RCAN2: variants seen among roughly 807,000 people sequenced by gnomAD.
The protein encoded by RCAN2 is regulator of calcineurin 2, also known as calcipressin-2.
Under a neutral mutation model 23.6 loss-of-function variants are expected in RCAN2, and 9 were observed. The ratio of observed to expected loss-of-function variants is 0.38; its 90% CI spans 0.23 to 0.67. RCAN2 has a LOEUF of 0.67. Among genes scored for constraint, RCAN2 ranks in the 30% least tolerant of loss-of-function variants. The pLI is 0.51. For synonymous variants in RCAN2, 109 were observed against 115.7 expected (o/e 0.94, Z 0.37); for missense variants, 273 against 302.3 (o/e 0.90, Z 0.72).
intron 2 of RCAN2, among the ~76,000 whole-genome samples, chr6:46,418,502 G>T (rs1452993128): frequency 1.3e-5 from 2 of 151,496 alleles, no homozygotes; most frequent in Admixed American, 6.6e-5. Flanking sequence ...TAATGACTAC[G>T]TGGATCTTTT....
chr6:46,372,186 G>A (rs1765341206), intron 2 of RCAN2, among the ~76,000 whole-genome samples: 1 of 152,198 alleles, frequency 6.6e-6, no homozygotes, highest in African/African-American at 2.4e-5. Context: ...ACAAAAGGCT[G>A]ATGACTAGTA....
intron 2 of RCAN2, among the ~76,000 whole-genome samples, chr6:46,438,148 TAC>T (rs1307515469): frequency 6.6e-6 from 1 of 152,164 alleles, no homozygotes; most frequent in East Asian, 1.9e-4. Context: ...CAATGCTGAT[TAC>T]ACAAGAGGAG....
chr6:46,271,824 A>G (rs1767532928), intron 2 of RCAN2, among the ~76,000 whole-genome samples: 1 of 152,212 alleles, frequency 6.6e-6, no homozygotes, highest in Admixed American at 6.5e-5. Context: ...ATGCTGAATT[A>G]ACACATAATA....
chr6:46,403,743 T>G (rs1766323559), intron 2 of RCAN2, among the ~76,000 whole-genome samples: 1 of 152,166 alleles, frequency 6.6e-6, no homozygotes, highest in African/African-American at 2.4e-5. Flanking sequence ...CTGCTCCTGC[T>G]GTTTAAAATA....
chr6:46,409,160 G>A (rs937240207), intron 2 of RCAN2, among the ~76,000 whole-genome samples: 8 of 151,954 alleles, frequency 5.3e-5, no homozygotes, highest in South Asian at 2.1e-4. Context: ...TTAAAGAAAC[G>A]AAATGGTCTA....
At chr6:46,342,800 G>A (rs1406355145) in intron 2 of RCAN2, among the ~76,000 whole-genome samples, 1 of 151,952 alleles carries the variant, frequency 6.6e-6, no homozygotes, top group African/African-American at 2.4e-5. Flanking sequence ...AACTTTTATG[G>A]TTTGATGTGG....
chr6:46,282,201 C>T (rs916628188), intron 2 of RCAN2, among the ~76,000 whole-genome samples: 1 of 152,124 alleles, frequency 6.6e-6, no homozygotes, highest in Non-Finnish European at 1.5e-5. Flanking sequence ...AAATATCCAA[C>T]ATACAACTTG....
chr6:46,292,289 G>A (rs1456808953), intron 2 of RCAN2, among the ~76,000 whole-genome samples: 1 of 152,090 alleles, frequency 6.6e-6, no homozygotes, highest in African/African-American at 2.4e-5. Context: ...TAGATTATAG[G>A]CAAGCAATTA....
chr6:46,372,061 A>T (rs1765335579), intron 2 of RCAN2, among the ~76,000 whole-genome samples: 1 of 152,144 alleles, frequency 6.6e-6, no homozygotes, highest in Non-Finnish European at 1.5e-5. Flanking sequence ...TTGGACAGAG[A>T]CCCCTTTGGA....
intron 2 of RCAN2, among the ~76,000 whole-genome samples, chr6:46,344,481 T>C (rs1365262932): frequency 2.2e-5 from 3 of 136,988 alleles, no homozygotes. Context: ...TTAAAAATAC[T>C]ATTGATTATT....
chr6:46,371,331 A>G (rs1349923473), intron 2 of RCAN2, among the ~76,000 whole-genome samples: 1 of 152,194 alleles, frequency 6.6e-6, no homozygotes, highest in African/African-American at 2.4e-5. Context: ...TTTAAGTCAC[A>G]TCCCTTAATA....
At chr6:46,325,492 A>T (rs1484550854) in intron 2 of RCAN2, 1 of 1,613,568 alleles carries the variant, frequency 6.2e-7, no homozygotes, top group Non-Finnish European at 8.5e-7. Flanking sequence ...CCCCTTCTGA[A>T]TTTTTAATAA....
At chr6:46,454,352 T>C (rs2150430980) in intron 2 of RCAN2, among the ~76,000 whole-genome samples, 1 of 152,308 alleles carries the variant, frequency 6.6e-6, no homozygotes, top group South Asian at 2.1e-4. Flanking sequence ...GAAAATGAGA[T>C]GCCACAAGAC....
chr6:46,258,018 G>A (rs527334857), intron 2 of RCAN2, among the ~76,000 whole-genome samples: 2 of 152,152 alleles, frequency 1.3e-5, no homozygotes, highest in South Asian at 2.1e-4. Flanking sequence ...GATGCTATAC[G>A]CTTTATATAT....
intron 2 of RCAN2, among the ~76,000 whole-genome samples, chr6:46,418,996 C>T (rs1766790465): frequency 6.6e-6 from 1 of 151,246 alleles, no homozygotes; most frequent in Non-Finnish European, 1.5e-5. Flanking sequence ...GCGGAGGCTG[C>T]AGTGAGCCGA....
intron 2 of RCAN2, among the ~76,000 whole-genome samples, chr6:46,424,964 A>T (rs1766993771): frequency 6.6e-6 from 1 of 152,196 alleles, no homozygotes; most frequent in Non-Finnish European, 1.5e-5. Context: ...ACCCTCATGG[A>T]GCTTTTGTTC....
At chr6:46,383,349 G>C (rs1321104625) in intron 2 of RCAN2, among the ~76,000 whole-genome samples, 1 of 152,116 alleles carries the variant, frequency 6.6e-6, no homozygotes, top group African/African-American at 2.4e-5. Flanking sequence ...GTCAGGAACA[G>C]CTTAGGCGAA....
intron 2 of RCAN2, among the ~76,000 whole-genome samples, chr6:46,430,943 C>T (rs575014300): frequency 2.0e-5 from 3 of 152,210 alleles, no homozygotes; most frequent in African/African-American, 7.2e-5. Flanking sequence ...ACCCCAGATG[C>T]CATCAATCAG....
At position 46,449,628 on chromosome 6, in the gene RCAN2, T is replaced by C. The variant is rs969161951; in HGVS notation, c.225+7124A>G. Among the ~76,000 whole-genome samples, 3 of 151,928 alleles carry C rather than the reference T, an allele frequency of 2.0e-5. No individual in the cohort carries two copies. In the South Asian group the frequency reaches 6.2e-4, roughly 32 times the overall value. ...TGGTACTAACATAAAAACAGGCATG[T>C]GGACCAATGGAACAGAATAGAAAGC... is the stretch of plus-strand genomic sequence containing the variant. On this transcript the variant is annotated intron_variant, in intron 2 of 4. Coordinates refer to ENST00000371374, the MANE Select transcript of RCAN2 (RefSeq NM_001251974.2).
Sources: allele counts gnomAD v4.1 joint callset (sites outside exome capture counted in the v4.1 genomes callset), GRCh38; gene constraint gnomAD v4.1.1; transcripts MANE v1.5; gene names NCBI Gene and HGNC (gene_info 2026-07-23, HGNC 2026-07-21).